The following TRPS1 variants were observed in gnomAD, a reference collection of about 807,000 sequenced individuals.
TRPS1 encodes the protein zinc finger transcription factor Trps1.
In TRPS1, 6 loss-of-function variants were observed where a neutral mutation model predicts 101.2. That is an observed-to-expected ratio of 0.06 (90% confidence interval 0.03 to 0.12). TRPS1 has a LOEUF of 0.12. Ranked by LOEUF, TRPS1 falls within the 10% of genes least tolerant of loss-of-function variation. The pLI is 1.00. For synonymous variants in TRPS1, 578 were observed against 589.8 expected (o/e 0.98, Z 0.29); for missense variants, 1,363 against 1,567.0 (o/e 0.87, Z 2.20).
intron 5 of TRPS1, among the ~76,000 whole-genome samples, chr8:115,489,857 A>G (rs1814976637): frequency 1.3e-5 from 2 of 152,144 alleles, no homozygotes; most frequent in Non-Finnish European, 2.9e-5. Context: ...TAAAATTGCA[A>G]TATTCAAATA....
chr8:115,524,474 C>T (rs1049600836), intron 5 of TRPS1, among the ~76,000 whole-genome samples: 1 of 152,074 alleles, frequency 6.6e-6, no homozygotes, highest in South Asian at 2.1e-4. Flanking sequence ...GCATGCGCCA[C>T]CACGCCCAGC....
At chr8:115,517,407 T>G (rs1815741443) in intron 5 of TRPS1, among the ~76,000 whole-genome samples, 1 of 151,532 alleles carries the variant, frequency 6.6e-6, no homozygotes, top group South Asian at 2.1e-4. Context: ...GTTGGGAACT[T>G]ATTCCTCATG....
chr8:115,555,868 CA>C (rs11352416), intron 5 of TRPS1, among the ~76,000 whole-genome samples: 97,797 of 148,786 alleles, frequency 0.66, 32,705 homozygotes, highest in East Asian at 0.83. Flanking sequence ...AACAAACAAA[CA>C]AAAAAAAAAG....
chr8:115,623,867 G>A (rs1563652330), intron 1 of TRPS1, 109 bp from the exon 2 acceptor site: 2 of 1,084,414 alleles, frequency 1.8e-6, no homozygotes, highest in East Asian at 6.5e-5. Flanking sequence ...CTGCCTGAAA[G>A]ATATAAAAGC....
intron 5 of TRPS1, among the ~76,000 whole-genome samples, chr8:115,460,080 T>C (rs1009160689): frequency 6.6e-6 from 1 of 152,174 alleles, no homozygotes; most frequent in Admixed American, 6.6e-5. Flanking sequence ...CAGAAAGACA[T>C]TGCTTAGGGA....
intron 5 of TRPS1, among the ~76,000 whole-genome samples, chr8:115,441,309 G>A (rs183748217): frequency 7.7e-4 from 117 of 152,220 alleles, no homozygotes; most frequent in Admixed American, 4.0e-3. Context: ...TTAGCACATG[G>A]GTTTTTAATT....
At chr8:115,477,041 C>T (rs570574736) in intron 5 of TRPS1, among the ~76,000 whole-genome samples, 24 of 152,174 alleles carry the variant, frequency 1.6e-4, no homozygotes, top group African/African-American at 4.6e-4. Context: ...GTTAATAACA[C>T]GAGGTTGGTT....
intron 5 of TRPS1, among the ~76,000 whole-genome samples, chr8:115,521,635 C>T (rs1815864399): frequency 6.6e-6 from 1 of 151,908 alleles, no homozygotes; most frequent in African/African-American, 2.4e-5. Flanking sequence ...TTAATAATCA[C>T]ATTCATCTAA....
intron 4 of TRPS1, among the ~76,000 whole-genome samples, chr8:115,592,433 G>T (rs1817696903): frequency 6.6e-6 from 1 of 152,020 alleles, no homozygotes; most frequent in Non-Finnish European, 1.5e-5. Context: ...AAGACTCTGG[G>T]TCTTACTACT....
intron 5 of TRPS1, among the ~76,000 whole-genome samples, chr8:115,436,532 C>T (rs1292094863): frequency 6.6e-6 from 1 of 152,050 alleles, no homozygotes; most frequent in South Asian, 2.1e-4. Context: ...GTTTCTAAAA[C>T]TTATTATTAT....
At chr8:115,424,050 G>A (rs1444525647) in intron 5 of TRPS1, among the ~76,000 whole-genome samples, 1 of 152,126 alleles carries the variant, frequency 6.6e-6, no homozygotes, top group African/African-American at 2.4e-5. Context: ...TTCCATTGGT[G>A]AAGGAATTTG....
intron 5 of TRPS1, among the ~76,000 whole-genome samples, chr8:115,464,683 C>A (rs1814274430): frequency 6.6e-6 from 1 of 152,168 alleles, no homozygotes; most frequent in South Asian, 2.1e-4. Flanking sequence ...ACACTGGTTA[C>A]TGGAAAATGC....
intron 5 of TRPS1, among the ~76,000 whole-genome samples, chr8:115,429,518 A>G (rs767955663): frequency 4.6e-5 from 7 of 152,126 alleles, no homozygotes; most frequent in Non-Finnish European, 1.0e-4. Flanking sequence ...TCGCATACCA[A>G]AGTAAGAACT....
intron 5 of TRPS1, among the ~76,000 whole-genome samples, chr8:115,504,066 C>T (rs1485529076): frequency 6.6e-6 from 1 of 152,186 alleles, no homozygotes; most frequent in Admixed American, 6.5e-5. Flanking sequence ...AGGTTAACTT[C>T]CTTGTATTCT....
At chr8:115,443,842 G>T (rs1226234404) in intron 5 of TRPS1, among the ~76,000 whole-genome samples, 1 of 152,110 alleles carries the variant, frequency 6.6e-6, no homozygotes, top group South Asian at 2.1e-4. Context: ...CCTGTGACTG[G>T]CTGACACCAA....
chr8:115,452,569 A>C (rs1195012656), intron 5 of TRPS1, among the ~76,000 whole-genome samples: 2 of 152,232 alleles, frequency 1.3e-5, no homozygotes, highest in African/African-American at 4.8e-5. Flanking sequence ...AGACAATGGC[A>C]TCTTTCTCTT....
chr8:115,500,686 CA>C (rs767655050), intron 5 of TRPS1, among the ~76,000 whole-genome samples: 59 of 152,160 alleles, frequency 3.9e-4, no homozygotes, highest in Non-Finnish European at 5.7e-4. Flanking sequence ...TCTCTTGCCT[CA>C]GCCTCCCGAG....
chr8:115,509,338 T>G (rs10093833), intron 5 of TRPS1, among the ~76,000 whole-genome samples: 103,258 of 151,210 alleles, frequency 0.68, 36,850 homozygotes, highest in African/African-American at 0.89. Flanking sequence ...GCTAGGAATG[T>G]TATTAAGTGT....
At chr8:115,484,322 T>A (rs970115703) in intron 5 of TRPS1, among the ~76,000 whole-genome samples, 5 of 152,208 alleles carry the variant, frequency 3.3e-5, no homozygotes, top group African/African-American at 1.2e-4. Flanking sequence ...TAATATATAT[T>A]CAATTTCAGA....
Sources: allele counts gnomAD v4.1 joint callset (sites outside exome capture counted in the v4.1 genomes callset), GRCh38; gene constraint gnomAD v4.1.1; transcripts MANE v1.5; gene names NCBI Gene and HGNC (gene_info 2026-07-23, HGNC 2026-07-21).